Variants in OXA1L observed in about 807,000 individuals in gnomAD.
OXA1L encodes mitochondrial inner membrane protein OXA1L.
A neutral mutation model predicts 52.2 loss-of-function variants in OXA1L; 42 were observed. The ratio of observed to expected loss-of-function variants is 0.80; its 90% CI spans 0.63 to 1.04. The LOEUF is 1.04. Among genes scored for constraint, OXA1L ranks in the 50% least tolerant of loss-of-function variants. The pLI, the probability that OXA1L is intolerant of heterozygous loss-of-function variation, is 0.00. For synonymous variants in OXA1L, 239 were observed against 201.9 expected, an observed-to-expected ratio of 1.18 and a Z score of -1.56; for missense variants, 572 against 555.0, an observed-to-expected ratio of 1.03 and a Z score of -0.31.
chr14:22,770,713 T>G, intron 6 of OXA1L, 88 bp downstream of exon 6: 1 of 1,551,952 alleles, frequency 6.4e-7, no homozygotes, highest in Admixed American at 1.7e-5. Flanking sequence ...ATCCTTCACT[T>G]GCTGGAGAAA....
In OXA1L at chr14:22,770,258, C is replaced by G; in HGVS notation, c.649C>G (p.Leu217Val). 6.2e-7 allele frequency: 1 copy of G among 1,609,000 alleles called. No individual in the cohort carries two copies. The highest frequency in any genetic ancestry group is 8.5e-7 in the Non-Finnish European group (1 of 1,175,322). Residue 217 changes from leucine (L) to valine (V), a missense_variant, in exon 5 of 10, where the codon CTC (leucine) becomes GTC (valine). Leu to Val is a conservative substitution (Grantham distance 32). Coordinates refer to ENST00000612549, the MANE Select transcript of OXA1L (RefSeq NM_005015.5). The stretch of plus-strand genomic sequence containing the variant: ...ACATGGTATTAAACTCTATAAACCT[C>G]TCATTCTCCCTGTGACTCAGGTGAG... Reference protein sequence around the residue: ...KKHGIKLYKPLILPVTQAPIF... With the variant: ...KKHGIKLYKPVILPVTQAPIF...
Position 22,770,056 on chromosome 14 carries a change from A to T in OXA1L, c.583+122A>T, listed in dbSNP as rs2038444795. 2.1e-6 allele frequency: 3 copies of T among 1,428,814 alleles called. No individual in the cohort carries two copies. In the Admixed American group the frequency reaches 5.3e-5, roughly 25 times the overall value. 88.5% of individuals were successfully genotyped at this position (1,428,814 alleles called of 1,614,324 possible). Reference sequence around the variant, plus strand: ...ACAGTCGGGAAAGTTCTAAAGGTTTATCTGTTTCTTAGACCTAATGCTCCC... The same window carrying T: ...ACAGTCGGGAAAGTTCTAAAGGTTTTTCTGTTTCTTAGACCTAATGCTCCC... On this transcript the variant is annotated intron_variant, in intron 4 of 9. Transcript: ENST00000612549.
rs1418672714 is a variant in OXA1L at position 22,771,949 on chromosome 14, A to G, written c.*391A>G. 1.5e-5 allele frequency: 3 copies of G among 201,118 alleles called. No homozygotes were observed. Among genetic ancestry groups the G allele is most frequent in the South Asian group, 1.9e-4 (2 of 10,740 alleles). 12.5% of individuals were successfully genotyped at this position (201,118 alleles called of 1,614,324 possible). On this transcript the variant is annotated 3_prime_UTR_variant, in exon 10 of 10. Coordinates refer to ENST00000612549, the MANE Select transcript of OXA1L (RefSeq NM_005015.5). ...ACGCCATCTCTGCTGTTTTACAAAA[A>G]TAGCCACACGTGGTGGTGCACACCT...
chr14:22,772,845 C>G lies in OXA1L; in HGVS notation c.*1287C>G, dbSNP rs1247035645. 2 of 161,130 alleles carry G rather than the reference C, an allele frequency of 1.2e-5. No individual in the cohort carries two copies. The highest frequency in any genetic ancestry group is 4.8e-5 in the African/African-American group (2 of 41,448). The allele number at this position is 161,130 out of a possible 1,614,324, so 10.0% of individuals were successfully genotyped here. On this transcript the variant is annotated 3_prime_UTR_variant, in exon 10 of 10. Transcript: ENST00000612549. ...GACCTTGTCTCTGCTAAAAAGTTAG[C>G]TGAGCATGGTGGTGCTTGTCCATAG...
In OXA1L at chr14:22,767,505, G is replaced by GT. The variant is rs1297047902; in HGVS notation, c.225+98dup. 9.2e-6 allele frequency: 10 copies of GT among 1,090,574 alleles called. No homozygotes were observed. The African/African-American group carries it at 1.1e-4, about 12-fold the overall frequency. 67.6% of individuals were successfully genotyped at this position (1,090,574 alleles called of 1,614,324 possible). On this transcript the variant is annotated intron_variant, in intron 2 of 9. Coordinates refer to ENST00000612549, the MANE Select transcript of OXA1L (RefSeq NM_005015.5). ...GGGAGCAGGGGGAATATGGAGCAGAGTTCTTGTCCACGCTCCACACAGCTC... is the reference window on the plus strand; with the variant it reads ...GGGAGCAGGGGGAATATGGAGCAGAGTTTCTTGTCCACGCTCCACACAGCTC...
rs1418718133 is a variant in OXA1L at position 22,771,195 on chromosome 14, T to C, written c.1102+15T>C. On this transcript the variant is annotated intron_variant, in intron 8 of 9. Transcript: ENST00000612549. Reference sequence around the variant, plus strand: ...CTTCAAAAAAGGTAAGGGCTCATCCTCTGTGAAAAAGGACTAGGGAAAGGG... The same window carrying C: ...CTTCAAAAAAGGTAAGGGCTCATCCCCTGTGAAAAAGGACTAGGGAAAGGG... 1 of 1,613,472 alleles carries C rather than the reference T, an allele frequency of 6.2e-7. No homozygotes were observed. Among genetic ancestry groups the C allele is most frequent in the Admixed American group, 1.7e-5 (1 of 59,942 alleles).
rs765905404 is a variant in OXA1L at position 22,771,597 on chromosome 14, T to C, written c.*39T>C. 4 of 1,609,646 alleles carry C rather than the reference T, an allele frequency of 2.5e-6. No individual in the cohort carries two copies. In the South Asian group the frequency reaches 4.4e-5, roughly 18 times the overall value. ...CGCATTCTGGCAGGAATTCTGTCTC[T>C]TCAGAGACTCATCCTCAAAACAAGA... On this transcript the variant is annotated 3_prime_UTR_variant, in exon 10 of 10. Transcript: ENST00000612549.
At chr14:22,767,783 T>C (rs1444806394) in intron 2 of OXA1L, 175 bp from the exon 3 acceptor site, 2 of 552,086 alleles carry the variant, frequency 3.6e-6, no homozygotes, top group East Asian at 5.7e-5. Flanking sequence ...CTTCTCTTCC[T>C]AACTATTGAT....
At position 22,772,412 on chromosome 14, in the gene OXA1L, C is replaced by A. The variant is rs1409483171; in HGVS notation, c.*854C>A. On this transcript the variant is annotated 3_prime_UTR_variant, in exon 10 of 10. Coordinates refer to ENST00000612549, the MANE Select transcript of OXA1L (RefSeq NM_005015.5). Reference sequence around the variant, plus strand: ...GCTGAGGCAGGAGAATGGCGTGAACCCAGGAGGCAGAGCTTGCAGTGAGCC... The same window carrying A: ...GCTGAGGCAGGAGAATGGCGTGAACACAGGAGGCAGAGCTTGCAGTGAGCC... The A allele has an allele frequency of 7.1e-6, 1 of 141,048 alleles. No individual in the cohort carries two copies. The highest frequency in any genetic ancestry group is 2.7e-5 in the African/African-American group (1 of 37,378). 8.7% of individuals were successfully genotyped at this position (141,048 alleles called of 1,614,324 possible). A position where few individuals can be genotyped will look rare whatever the true frequency, so the allele number is the denominator to read the frequency against.
chr14:22,769,663 C>T, intron 3 of OXA1L, 128 bp from the exon 4 acceptor site: 1 of 944,690 alleles, frequency 1.1e-6, no homozygotes, highest in South Asian at 1.6e-5. Context: ...ATTTCTGGGC[C>T]TCTTAGGCAT....
In OXA1L at chr14:22,771,292, G is replaced by A. The variant is rs116706310; in HGVS notation, c.1127G>A (p.Arg376His). ...GGCTGGAAAAATGCTGAAATGACGCGTCAGCTGCGAGAGCGTGAACAACGC... is the reference window on the plus strand; with the variant it reads ...GGCTGGAAAAATGCTGAAATGACGCATCAGCTGCGAGAGCGTGAACAACGC... ...KKGWKNAEMT[R>H]QLREREQRMR... is the part of the protein sequence containing the mutation. Residue 376 changes from arginine (R) to histidine (H), a missense_variant, in exon 9 of 10, where the codon CGT becomes CAT. Coordinates refer to ENST00000612549, the MANE Select transcript of OXA1L (RefSeq NM_005015.5). 1,472 of 1,614,162 alleles carry A rather than the reference G, an allele frequency of 9.1e-4. 3 individuals carry two copies. Among genetic ancestry groups the A allele is most frequent in the Middle Eastern group, 2.3e-3 (14 of 6,062 alleles).
rs1004251396 is a variant in OXA1L, at chr14:22,772,532, C to G, written c.*974C>G. ...AAAAAAAAAAAAACAGTTTAAACTTCCAACCCATGCATGTGTTGTTCTATG... is the reference window on the plus strand; with the variant it reads ...AAAAAAAAAAAAACAGTTTAAACTTGCAACCCATGCATGTGTTGTTCTATG... On this transcript the variant is annotated 3_prime_UTR_variant, in exon 10 of 10. Coordinates refer to ENST00000612549, the MANE Select transcript of OXA1L (RefSeq NM_005015.5). The G allele has an allele frequency of 1.5e-5, 2 of 132,578 alleles. No homozygotes were observed. Among genetic ancestry groups the G allele is most frequent in the African/African-American group, 6.1e-5 (2 of 32,904 alleles). 8.2% of individuals were successfully genotyped at this position (132,578 alleles called of 1,614,324 possible).
At chr14:22,770,366 C>T in intron 5 of OXA1L, 88 bp downstream of exon 5, 1 of 1,541,782 alleles carries the variant, frequency 6.5e-7, no homozygotes. Context: ...CCCCAAAAAA[C>T]AGGTGGTGGT....
Position 22,766,865 on chromosome 14 carries a change from T to A in OXA1L, c.63+101T>A. On this transcript the variant is annotated intron_variant, in intron 1 of 9. Coordinates refer to ENST00000612549, the MANE Select transcript of OXA1L (RefSeq NM_005015.5). ...GGGGTATCAGCAGACGCTGACCTGC[T>A]CACCGGGACCTGAATGTCATGACCT... 4 of 1,564,450 alleles carry A rather than the reference T, an allele frequency of 2.6e-6. No individual in the cohort carries two copies. In the Middle Eastern group the frequency reaches 6.9e-4, roughly 270 times the overall value.
chr14:22,770,279 G>T lies in OXA1L; in HGVS notation c.669+1G>T. On this transcript the variant is annotated splice_donor_variant, in intron 5 of 9. Transcript: ENST00000612549. LOFTEE classifies it high-confidence loss of function. ...ACCTCTCATTCTCCCTGTGACTCAGGTGAGCAAAAACATTTCCTTCCTTAT... is the reference window on the plus strand; with the variant it reads ...ACCTCTCATTCTCCCTGTGACTCAGTTGAGCAAAAACATTTCCTTCCTTAT... 2 of 1,599,668 alleles carry T rather than the reference G, an allele frequency of 1.3e-6. No homozygotes were observed. Among genetic ancestry groups the T allele is most frequent in the Non-Finnish European group, 1.7e-6 (2 of 1,166,952 alleles).
chr14:22,770,040 A>T, intron 4 of OXA1L, 106 bp downstream of exon 4: 1 of 1,474,704 alleles, frequency 6.8e-7, no homozygotes, highest in Non-Finnish European at 9.4e-7. Flanking sequence ...CACAGTCGGG[A>T]AAGTTCTAAA....
chr14:22,766,805 A>T, intron 1 of OXA1L, 41 bp downstream of exon 1: 1 of 1,611,518 alleles, frequency 6.2e-7, no homozygotes, highest in Non-Finnish European at 8.5e-7. Flanking sequence ...TGCTGCCCTG[A>T]CCCAGTGAAC....
rs1411102673 is a variant in OXA1L at position 22,772,496 on chromosome 14, A to AAAACAAAAAC, written c.*941_*942insCAAAAACAAA. The AAAACAAAAAC allele has an allele frequency of 6.1e-4, 21 of 34,180 alleles. No individual in the cohort carries two copies. Among genetic ancestry groups the AAAACAAAAAC allele is most frequent in the African/African-American group, 1.4e-3 (20 of 14,514 alleles). The allele number at this position is 34,180 out of a possible 1,614,324, so 2.1% of individuals were successfully genotyped here. ...AGAGTGAGACTCCTTCTCAAAAAAA[A>AAAACAAAAAC]AAAAAAAAAAAAAAAAAAAAAAACA... On this transcript the variant is annotated 3_prime_UTR_variant, in exon 10 of 10. Transcript: ENST00000612549.
Position 22,771,421 on chromosome 14 carries a change from CT to C in OXA1L, c.1184-11del, listed in dbSNP as rs2038462012. ...TGTTCTTCGTTGAAATTTGTTTTCT[CT>C]TCTCCCCTCAGGTCCTTTACGACAG... On this transcript the variant is annotated splice_polypyrimidine_tract_variant and intron_variant, in intron 9 of 9. Coordinates refer to ENST00000612549, the MANE Select transcript of OXA1L (RefSeq NM_005015.5). 1 of 1,613,944 alleles carries C rather than the reference CT, an allele frequency of 6.2e-7. No individual in the cohort carries two copies. Among genetic ancestry groups the C allele is most frequent in the Admixed American group, 1.7e-5 (1 of 59,982 alleles).
Sources: gnomAD v4.1 joint callset for allele counts on GRCh38, gnomAD v4.1.1 for gene constraint, MANE v1.5 for transcripts, NCBI Gene and HGNC (gene_info 2026-07-23, HGNC 2026-07-21) for gene names.